The following ARNT variants were observed in gnomAD, a reference collection of about 807,000 sequenced individuals.
ARNT encodes aryl hydrocarbon receptor nuclear translocator.
In ARNT, 30 loss-of-function variants were observed where a neutral mutation model predicts 105.0. The observed-to-expected ratio is 0.29, with a 90% confidence interval of 0.21 to 0.39. The LOEUF (loss-of-function observed/expected upper bound fraction) is 0.39. Among genes scored for constraint, ARNT ranks in the 10% least tolerant of loss-of-function variants. The pLI is 1.00. For missense variants in ARNT, 748 were observed against 978.7 expected (o/e 0.76, Z 3.15); for synonymous variants, 304 against 344.0 (o/e 0.88, Z 1.29).
chr1:150,863,140 G>C (rs1665954767), intron 1 of ARNT, among the ~76,000 whole-genome samples: 1 of 151,674 alleles, frequency 6.6e-6, no homozygotes, highest in Non-Finnish European at 1.5e-5. Flanking sequence ...GAGGTGGGTA[G>C]ATCACTTAAG....
chr1:150,869,897 G>A (rs985205651), intron 1 of ARNT, among the ~76,000 whole-genome samples: 4 of 152,012 alleles, frequency 2.6e-5, no homozygotes, highest in East Asian at 1.9e-4. Context: ...CTTGCACTTG[G>A]TTCTCCAACC....
At chr1:150,871,937 T>G (rs1259315534) in intron 1 of ARNT, among the ~76,000 whole-genome samples, 2 of 129,690 alleles carry the variant, frequency 1.5e-5, no homozygotes, top group African/African-American at 2.9e-5. Flanking sequence ...AAAAAAGGCC[T>G]TTGCAATATA....
intron 12 of ARNT, among the ~76,000 whole-genome samples, chr1:150,828,339 G>GT (rs1047268874): frequency 5.5e-5 from 5 of 90,276 alleles, no homozygotes; most frequent in African/African-American, 1.5e-4. Flanking sequence ...TTTGGGTGTG[G>GT]TTTTTTTTTT....
chr1:150,818,053 A>G (rs1656297351), intron 14 of ARNT, 23 bp from the exon 15 acceptor site: 3 of 1,485,032 alleles, frequency 2.0e-6, no homozygotes, highest in Non-Finnish European at 9.2e-7. Flanking sequence ...AGTAGACAGT[A>G]AAGAGGGGGT....
chr1:150,814,574 G>C (rs959729704), intron 19 of ARNT, among the ~76,000 whole-genome samples: 1 of 152,192 alleles, frequency 6.6e-6, no homozygotes. Flanking sequence ...GTGGCTCATG[G>C]CTCATGCCTA....
chr1:150,834,854 T>C (rs926225641), intron 7 of ARNT: 1 of 488,510 alleles, frequency 2.0e-6, no homozygotes. Flanking sequence ...AAAGGCAGCA[T>C]TGAAAATAAC....
chr1:150,840,912 T>C (rs1044897592), intron 5 of ARNT, among the ~76,000 whole-genome samples: 9 of 152,032 alleles, frequency 5.9e-5, no homozygotes, highest in African/African-American at 2.2e-4. Flanking sequence ...GCATTTCTGC[T>C]TCTACTCAAA....
chr1:150,828,163 T>C (rs587639387), intron 12 of ARNT, among the ~76,000 whole-genome samples: 1 of 152,198 alleles, frequency 6.6e-6, no homozygotes, highest in South Asian at 2.1e-4. Flanking sequence ...AATTTATAAT[T>C]TTTTTTCTTC....
At chr1:150,861,690 T>C (rs1311885698) in intron 1 of ARNT, among the ~76,000 whole-genome samples, 1 of 152,184 alleles carries the variant, frequency 6.6e-6, no homozygotes, top group African/African-American at 2.4e-5. Flanking sequence ...TGTGCCTGAT[T>C]ACAGGCATGA....
chr1:150,871,052 G>A (rs1667343518), intron 1 of ARNT, among the ~76,000 whole-genome samples: 1 of 151,972 alleles, frequency 6.6e-6, no homozygotes, highest in African/African-American at 2.4e-5. Flanking sequence ...ACGAAATTAT[G>A]AAAAGTGACA....
chr1:150,829,339 C>A, intron 11 of ARNT, 112 bp from the exon 12 acceptor site: 1 of 1,190,962 alleles, frequency 8.4e-7, no homozygotes, highest in Non-Finnish European at 1.2e-6. Context: ...TTAGGACTTT[C>A]TAAACTTTCA....
At chr1:150,842,264 C>G (rs1661423707) in intron 5 of ARNT, 160 bp downstream of exon 5, 1 of 985,154 alleles carries the variant, frequency 1.0e-6, no homozygotes, top group Non-Finnish European at 1.2e-6. Flanking sequence ...TGGGGGAAGC[C>G]AAAGTTCCTG....
At position 150,826,567 on chromosome 1, in the gene ARNT, C is replaced by T. The variant is rs755501847; in HGVS notation, c.1218G>A (p.Gln406=). The change falls in exon 13 of 22, where the codon CAG becomes CAA. Residue 406 remains glutamine (Q), a synonymous_variant. Coordinates refer to ENST00000358595, the MANE Select transcript of ARNT (RefSeq NM_001668.4). ...IVEFCHPEDQ[Q]LLRDSFQQVV... The stretch of plus-strand genomic sequence containing the variant: ...CCTGTTGGAAGCTGTCTCTTAGAAG[C>T]TGCTGGTCTTCAGGATGACAGAATT... 6.2e-7 allele frequency: 1 copy of T among 1,613,156 alleles called. No individual in the cohort carries two copies. Among genetic ancestry groups the T allele is most frequent in the East Asian group, 2.2e-5 (1 of 44,866 alleles).
intron 19 of ARNT, 101 bp downstream of exon 19, chr1:150,816,158 G>A: frequency 1.4e-6 from 2 of 1,409,438 alleles, no homozygotes; most frequent in Admixed American, 2.5e-5. Flanking sequence ...CAGGGGTTGG[G>A]GAGAAGGTAT....
At chr1:150,860,277 G>A (rs1299008585) in intron 1 of ARNT, among the ~76,000 whole-genome samples, 4 of 140,482 alleles carry the variant, frequency 2.8e-5, no homozygotes, top group Middle Eastern at 4.1e-3. Context: ...GTGCAGTGGC[G>A]CAATCTTGGC....
chr1:150,839,976 C>CA (rs1660989009), intron 5 of ARNT, among the ~76,000 whole-genome samples: 1 of 152,170 alleles, frequency 6.6e-6, no homozygotes, highest in South Asian at 2.1e-4. Context: ...CATGGTGGCT[C>CA]ATGCCTGTAA....
At chr1:150,867,387 T>G (rs1425095164) in intron 1 of ARNT, among the ~76,000 whole-genome samples, 1 of 149,716 alleles carries the variant, frequency 6.7e-6, no homozygotes, top group African/African-American at 2.5e-5. Flanking sequence ...AAAAAAAAAC[T>G]ATTCAAACAG....
At chr1:150,828,968 G>T (rs904154828) in intron 12 of ARNT, 125 bp downstream of exon 12, 6 of 1,151,722 alleles carry the variant, frequency 5.2e-6, no homozygotes, top group Non-Finnish European at 7.2e-6. Flanking sequence ...GGTACTAACA[G>T]AATATGATGA....
chr1:150,822,884 A>G (rs1374023902), intron 14 of ARNT, among the ~76,000 whole-genome samples: 1 of 152,194 alleles, frequency 6.6e-6, no homozygotes, highest in East Asian at 1.9e-4. Context: ...AAGGACACCC[A>G]GCTGGTGTCC....
Sources: gnomAD v4.1 joint callset for allele counts (sites outside exome capture counted in the v4.1 genomes callset) on GRCh38, gnomAD v4.1.1 for gene constraint, MANE v1.5 for transcripts, NCBI Gene and HGNC (gene_info 2026-07-23, HGNC 2026-07-21) for gene names.